Variants in MEP1A observed in about 807,000 individuals in gnomAD.
MEP1A encodes the protein N-benzoyl-L-tyrosyl-P-amino-benzoic acid hydrolase subunit alpha.
MEP1A carries 68 observed loss-of-function variants against 84.5 expected under a neutral mutation model. That is an observed-to-expected ratio of 0.80 (90% CI 0.66 to 0.98). MEP1A has a LOEUF of 0.98. Among genes scored for constraint, MEP1A ranks in the 50% least tolerant of loss-of-function variants. The pLI, the probability that MEP1A is intolerant of heterozygous loss-of-function variation, is 0.00. For missense variants in MEP1A, 887 were observed against 919.9 expected (o/e 0.96, Z 0.46); for synonymous variants, 337 against 336.8 (o/e 1.00, Z -0.01).
intron 6 of MEP1A, among the ~76,000 whole-genome samples, chr6:46,811,913 G>A (rs1341883240): frequency 6.6e-6 from 1 of 151,994 alleles, no homozygotes; most frequent in Non-Finnish European, 1.5e-5. Flanking sequence ...GTTCATCAGG[G>A]ATATTGGTCT....
intron 13 of MEP1A, 103 bp downstream of exon 13, chr6:46,835,652 C>T (rs1418515142): frequency 2.5e-6 from 3 of 1,204,112 alleles, no homozygotes; most frequent in African/African-American, 1.5e-5. Context: ...CGAAGACTAC[C>T]TCAGATGGTC....
intron 9 of MEP1A, 56 bp from the exon 10 acceptor site, chr6:46,829,300 C>G: frequency 4.8e-6 from 7 of 1,470,258 alleles, no homozygotes; most frequent in Non-Finnish European, 6.6e-6. Context: ...TTTGGGTGGA[C>G]AGAACCCTGG....
intron 5 of MEP1A, among the ~76,000 whole-genome samples, chr6:46,804,024 A>AT (rs1025186831): frequency 6.6e-6 from 1 of 151,646 alleles, no homozygotes; most frequent in Non-Finnish European, 1.5e-5. Context: ...TAGTGTTAGA[A>AT]TTTTTTATTT....
intron 7 of MEP1A, among the ~76,000 whole-genome samples, chr6:46,825,016 A>T (rs1408867196): frequency 8.1e-5 from 7 of 86,600 alleles, no homozygotes; most frequent in African/African-American, 2.0e-4. Context: ...GTATATATAA[A>T]TTATATATTT....
intron 13 of MEP1A, among the ~76,000 whole-genome samples, chr6:46,838,031 A>G (rs1295474850): frequency 2.6e-5 from 4 of 151,200 alleles, no homozygotes; most frequent in Non-Finnish European, 5.9e-5. Context: ...AGCTGGGATT[A>G]CAGGTGCCCA....
chr6:46,811,385 T>C (rs1000074943), intron 6 of MEP1A, among the ~76,000 whole-genome samples: 5 of 151,804 alleles, frequency 3.3e-5, no homozygotes, highest in African/African-American at 1.2e-4. Flanking sequence ...GTCTTTAGGG[T>C]TTTTTTAGGT....
At chr6:46,831,234 A>T (rs1195735888) in intron 10 of MEP1A, among the ~76,000 whole-genome samples, 3 of 152,228 alleles carry the variant, frequency 2.0e-5, no homozygotes, top group African/African-American at 7.2e-5. Context: ...GACAGTCGCA[A>T]CCAATTTGAA....
At position 46,839,024 on chromosome 6, in the gene MEP1A, A is replaced by G; in HGVS notation, c.2129A>G (p.Gln710Arg). 1 of 1,613,542 alleles carries G rather than the reference A, an allele frequency of 6.2e-7. No homozygotes were observed. The highest frequency in any genetic ancestry group is 8.5e-7 in the Non-Finnish European group (1 of 1,179,576). Residue 710 changes from glutamine to arginine, a missense_variant, in exon 14 of 14, where the codon CAG (glutamine) becomes CGG (arginine). Physicochemically the swap from Gln to Arg is conservative, Grantham distance 43 (BLOSUM62 1). Coordinates refer to ENST00000230588, the MANE Select transcript of MEP1A (RefSeq NM_005588.3). ...HAFFYTGERC[Q>R]AVQVHGSVLG... ...TTCTTCTACACGGGGGAGCGCTGTCAGGCCGTGCAGGTGCACGGCAGTGTC... is the reference window on the plus strand; with the variant it reads ...TTCTTCTACACGGGGGAGCGCTGTCGGGCCGTGCAGGTGCACGGCAGTGTC...
rs1290026964 is a variant in MEP1A, at chr6:46,833,543, G to T, written c.1609+5G>T. The T allele has an allele frequency of 1.2e-6, 2 of 1,611,084 alleles. No individual in the cohort carries two copies. The highest frequency in any genetic ancestry group is 2.2e-5 in the South Asian group (2 of 90,974). ...CGAAGTCGCACACATCTCCAGGTGG[G>T]TGGTGTCAGCGCAAATAAGAACTGC... On this transcript the variant is annotated splice_donor_5th_base_variant and intron_variant, in intron 11 of 13. Coordinates refer to ENST00000230588, the MANE Select transcript of MEP1A (RefSeq NM_005588.3).
At chr6:46,807,783 GAAAGAAAGAAAGAAAGAAAGAAA>G (rs1767387876) in intron 5 of MEP1A, among the ~76,000 whole-genome samples, 2 of 88,068 alleles carry the variant, frequency 2.3e-5, no homozygotes, top group Non-Finnish European at 5.2e-5. Flanking sequence ...AAGAAAGAAA[GAAAGAAAGAAAGAAAGAAAGAAA>G]GAAAGAAAGA....
intron 3 of MEP1A, among the ~76,000 whole-genome samples, chr6:46,796,144 T>C (rs1311841497): frequency 6.6e-6 from 1 of 152,194 alleles, no homozygotes; most frequent in Non-Finnish European, 1.5e-5. Flanking sequence ...AGGAAACTTG[T>C]TAGGAATGAA....
Position 46,839,414 on chromosome 6 carries a change from C to A in MEP1A, c.*278C>A. 4.2e-6 allele frequency: 1 copy of A among 240,700 alleles called. No homozygotes were observed. Among genetic ancestry groups the A allele is most frequent in the Non-Finnish European group, 8.0e-6 (1 of 124,878 alleles). The allele number at this position is 240,700 out of a possible 1,614,324, so 14.9% of individuals were successfully genotyped here. On this transcript the variant is annotated 3_prime_UTR_variant, in exon 14 of 14. Transcript: ENST00000230588. The stretch of plus-strand genomic sequence containing the variant: ...GACTGTCTTTCCTATAGACTGTAAG[C>A]TCCATGAGGGCAGGCACATGTTGTT...
chr6:46,835,646 G>A, intron 13 of MEP1A, 97 bp downstream of exon 13: 1 of 1,267,994 alleles, frequency 7.9e-7, no homozygotes, highest in East Asian at 2.5e-5. Context: ...GTAGGGCGAA[G>A]ACTACCTCAG....
At chr6:46,809,351 A>G in intron 5 of MEP1A, 69 bp from the exon 6 acceptor site, 8 of 970,460 alleles carry the variant, frequency 8.2e-6, no homozygotes, top group Non-Finnish European at 1.1e-5. Context: ...GGTTTTCTCT[A>G]AACTATAAGT....
chr6:46,798,407 C>G (rs1767114362), intron 3 of MEP1A, among the ~76,000 whole-genome samples, 199 bp from the exon 4 acceptor site: 1 of 152,148 alleles, frequency 6.6e-6, no homozygotes, highest in South Asian at 2.1e-4. Flanking sequence ...AAATTGAAAA[C>G]AGAGGCTATG....
chr6:46,824,523 A>T (rs1328763362), intron 7 of MEP1A, among the ~76,000 whole-genome samples: 1 of 143,336 alleles, frequency 7.0e-6, no homozygotes, highest in East Asian at 2.0e-4. Context: ...ATTTAAATAT[A>T]TATAAATTAT....
At chr6:46,828,512 A>G (rs1767998838) in intron 9 of MEP1A, among the ~76,000 whole-genome samples, 1 of 152,062 alleles carries the variant, frequency 6.6e-6, no homozygotes. Flanking sequence ...CACTCACTTT[A>G]TTTTTATCTT....
chr6:46,823,173 T>C (rs1652997341), intron 7 of MEP1A, among the ~76,000 whole-genome samples: 1 of 152,246 alleles, frequency 6.6e-6, no homozygotes, highest in South Asian at 2.1e-4. Context: ...TGCTCAAACA[T>C]GGTCTTGCTC....
intron 11 of MEP1A, 67 bp downstream of exon 11, chr6:46,833,605 G>A: frequency 8.5e-7 from 1 of 1,175,698 alleles, no homozygotes; most frequent in Non-Finnish European, 1.2e-6. Flanking sequence ...GTGATTCTGT[G>A]GTGCAAGAAA....
Sources: gnomAD v4.1 joint callset for allele counts (sites outside exome capture counted in the v4.1 genomes callset) on GRCh38, gnomAD v4.1.1 for gene constraint, MANE v1.5 for transcripts, NCBI Gene and HGNC (gene_info 2026-07-23, HGNC 2026-07-21) for gene names.